The following RPS6KB1 variants were observed in gnomAD, a reference collection of about 807,000 sequenced individuals.
RPS6KB1 encodes ribosomal protein S6 kinase B1.
Under a neutral mutation model 70.2 loss-of-function variants are expected in RPS6KB1, and 12 were observed. The ratio of observed to expected loss-of-function variants is 0.17; its 90% CI spans 0.11 to 0.28. The LOEUF (loss-of-function observed/expected upper bound fraction) is 0.28, where lower values mean the gene tolerates loss of function less well. RPS6KB1 is among the 10% of genes least tolerant of loss of function. RPS6KB1 has a pLI of 1.00. For synonymous variants in RPS6KB1, 175 were observed against 211.2 expected, an observed-to-expected ratio of 0.83 and a Z score of 1.49; for missense variants, 270 against 646.6, an observed-to-expected ratio of 0.42 and a Z score of 6.32.
Position 59,946,466 on chromosome 17 carries a change from C to T in RPS6KB1, c.1341-85C>T. 7.9e-6 allele frequency: 8 copies of T among 1,014,222 alleles called. No homozygotes were observed. Among genetic ancestry groups the T allele is most frequent in the Non-Finnish European group, 1.2e-5 (8 of 656,390 alleles). 62.8% of individuals were successfully genotyped at this position (1,014,222 alleles called of 1,614,324 possible). ...TTAAATGAAAATAAATGTCATGTTA[C>T]CCCACTCCCTTTAAACGTAAAGGAA... On this transcript the variant is annotated intron_variant, in intron 14 of 14. Coordinates refer to ENST00000225577, the MANE Select transcript of RPS6KB1 (RefSeq NM_003161.4). This position sits in a 1 kb window ranked among gnomAD's most constrained non-coding sequence, Gnocchi z 4.2.
chr17:59,918,286 T>C (rs2144846322), intron 4 of RPS6KB1, among the ~76,000 whole-genome samples: 1 of 152,332 alleles, frequency 6.6e-6, no homozygotes, highest in East Asian at 1.9e-4. Flanking sequence ...CAGAATTCTT[T>C]CTGTTGTTTT....
chr17:59,934,757 A>G lies in RPS6KB1; in HGVS notation c.870+233A>G. 1 of 493,006 alleles carries G rather than the reference A, an allele frequency of 2.0e-6. No homozygotes were observed. Among genetic ancestry groups the G allele is most frequent in the Non-Finnish European group, 3.6e-6 (1 of 280,270 alleles). The allele number at this position is 493,006 out of a possible 1,614,324, so 30.5% of individuals were successfully genotyped here. A position where few individuals can be genotyped will look rare whatever the true frequency, so the allele number is the denominator to read the frequency against. On this transcript the variant is annotated intron_variant, in intron 9 of 14. Coordinates refer to ENST00000225577, the MANE Select transcript of RPS6KB1 (RefSeq NM_003161.4). The surrounding 1 kb of genome is among the most constrained non-coding windows in gnomAD (Gnocchi z 4.8). ...GGCAGGCCTGTGAAATAGATGTTGA[A>G]TAGATAATGCCCTTATTTTATAAAT...
chr17:59,946,595 C>T lies in RPS6KB1; in HGVS notation c.1385C>T (p.Ser462Leu), dbSNP rs751489954. 9.9e-6 allele frequency: 16 copies of T among 1,613,930 alleles called. No individual in the cohort carries two copies. The highest frequency in any genetic ancestry group is 3.3e-4 in the Middle Eastern group (2 of 6,084). The stretch of plus-strand genomic sequence containing the variant: ...GGGGATTTCTGGGGAAGAGGTGCTT[C>T]GGCCAGCACAGCAAATCCTCAGACA... ...SPGDFWGRGA[S>L]ASTANPQTPV... Residue 462 changes from serine (S) to leucine (L), a missense_variant, in exon 15 of 15, where the codon TCG becomes TTG. Physicochemically the swap from Ser to Leu is moderately radical, Grantham distance 145. Coordinates refer to ENST00000225577, the MANE Select transcript of RPS6KB1 (RefSeq NM_003161.4). This position sits in a 1 kb window ranked among gnomAD's most constrained non-coding sequence, Gnocchi z 4.2.
Position 59,946,436 on chromosome 17 carries a change from T to C in RPS6KB1, c.1341-115T>C. 9 of 864,404 alleles carry C rather than the reference T, an allele frequency of 1.0e-5. No homozygotes were observed. In the South Asian group the frequency reaches 1.3e-4, roughly 13 times the overall value. 53.5% of individuals were successfully genotyped at this position (864,404 alleles called of 1,614,324 possible). On this transcript the variant is annotated intron_variant, in intron 14 of 14. Transcript: ENST00000225577. The surrounding 1 kb of genome is among the most constrained non-coding windows in gnomAD (Gnocchi z 4.2). ...GCCTTTGTGCTAATCCACGTGAAAATAAAATTAAATGAAAATAAATGTCAT... is the reference window on the plus strand; with the variant it reads ...GCCTTTGTGCTAATCCACGTGAAAACAAAATTAAATGAAAATAAATGTCAT...
intron 12 of RPS6KB1, among the ~76,000 whole-genome samples, chr17:59,938,188 G>GC (rs1345118764): frequency 2.8e-5 from 4 of 142,886 alleles, no homozygotes; most frequent in Non-Finnish European, 3.0e-5. Context: ...TTTTTTTGGG[G>GC]GGGGGATAGG....
Position 59,935,231 on chromosome 17 carries a change from C to A in RPS6KB1, c.909C>A (p.Asp303Glu). Residue 303 changes from aspartate to glutamate, a missense_variant, in exon 10 of 15, where the codon GAC (aspartate) becomes GAA (glutamate). By Grantham distance (45) the Asp-to-Glu change is conservative. Coordinates refer to ENST00000225577, the MANE Select transcript of RPS6KB1 (RefSeq NM_003161.4). ...FTGENRKKTI[D>E]KILKCKLNLP... ...GGGAGAATAGAAAGAAAACAATTGACAAAATCCTCAAATGTAAACTCAATT... is the reference window on the plus strand; with the variant it reads ...GGGAGAATAGAAAGAAAACAATTGAAAAAATCCTCAAATGTAAACTCAATT... 1 of 1,612,714 alleles carries A rather than the reference C, an allele frequency of 6.2e-7. No individual in the cohort carries two copies. The highest frequency in any genetic ancestry group is 8.5e-7 in the Non-Finnish European group (1 of 1,179,016).
intron 5 of RPS6KB1, among the ~76,000 whole-genome samples, chr17:59,927,934 C>T (rs990463275): frequency 1.3e-5 from 2 of 151,556 alleles, no homozygotes; most frequent in Non-Finnish European, 2.9e-5. Context: ...CCAAGGTGGG[C>T]GGATCATGAG....
At chr17:59,939,079 G>T (rs1181343783) in intron 12 of RPS6KB1, among the ~76,000 whole-genome samples, 2 of 152,046 alleles carry the variant, frequency 1.3e-5, no homozygotes, top group African/African-American at 4.8e-5. Context: ...GTTACCCAAG[G>T]TATAGTTCAT....
At chr17:59,918,516 C>T (rs1409260238) in intron 4 of RPS6KB1, among the ~76,000 whole-genome samples, 1 of 151,656 alleles carries the variant, frequency 6.6e-6, no homozygotes, top group Non-Finnish European at 1.5e-5. Context: ...ATTACAGGTG[C>T]CCGCTACCAC....
At chr17:59,914,311 T>C (rs543516930) in intron 3 of RPS6KB1, among the ~76,000 whole-genome samples, 1 of 152,346 alleles carries the variant, frequency 6.6e-6, no homozygotes, top group East Asian at 1.9e-4. Flanking sequence ...TTGAAAGAAA[T>C]TTATGAAATA....
chr17:59,937,821 C>T (rs922016694), intron 12 of RPS6KB1, among the ~76,000 whole-genome samples: 1 of 152,146 alleles, frequency 6.6e-6, no homozygotes, highest in African/African-American at 2.4e-5. Flanking sequence ...GTAAGGCACA[C>T]GATTCAACCC....
intron 1 of RPS6KB1, among the ~76,000 whole-genome samples, chr17:59,909,715 A>G (rs946513704): frequency 6.6e-6 from 1 of 151,760 alleles, no homozygotes; most frequent in Non-Finnish European, 1.5e-5. Context: ...CATCTCTACT[A>G]AAAATGCAAA....
At chr17:59,937,093 C>T (rs1334488571) in intron 12 of RPS6KB1, among the ~76,000 whole-genome samples, 1 of 152,156 alleles carries the variant, frequency 6.6e-6, no homozygotes. Context: ...AACTCCTGGG[C>T]TCAAGTGATC....
At chr17:59,921,594 G>A (rs1027258676) in intron 4 of RPS6KB1, among the ~76,000 whole-genome samples, 1 of 152,164 alleles carries the variant, frequency 6.6e-6, no homozygotes, top group Admixed American at 6.5e-5. Flanking sequence ...TAAGTGAGTT[G>A]TTTCAATCTG....
chr17:59,938,186 G>T (rs1353468186), intron 12 of RPS6KB1, among the ~76,000 whole-genome samples: 13 of 134,758 alleles, frequency 9.6e-5, no homozygotes, highest in African/African-American at 2.1e-4. Flanking sequence ...TTTTTTTTTG[G>T]GGGGGGGATA....
chr17:59,904,342 G>A (rs950631002), intron 1 of RPS6KB1, among the ~76,000 whole-genome samples: 4 of 151,978 alleles, frequency 2.6e-5, no homozygotes, highest in Admixed American at 1.3e-4. Context: ...GCCTCCCAAA[G>A]TGTTGGGATT....
At chr17:59,935,666 G>A (rs2044184939) in intron 10 of RPS6KB1, among the ~76,000 whole-genome samples, 1 of 151,726 alleles carries the variant, frequency 6.6e-6, no homozygotes, top group Non-Finnish European at 1.5e-5. Context: ...GTAGAGACAG[G>A]GTTTCACCGT....
chr17:59,900,566 A>T (rs1002679611), intron 1 of RPS6KB1, among the ~76,000 whole-genome samples: 1 of 151,726 alleles, frequency 6.6e-6, no homozygotes, highest in Non-Finnish European at 1.5e-5. Context: ...GGGTTTCTCC[A>T]TGTTGGCCAG....
chr17:59,911,538 G>GTTTTTTTTTTTTTTTT (rs1184826889), intron 2 of RPS6KB1, among the ~76,000 whole-genome samples: 1 of 74,740 alleles, frequency 1.3e-5, no homozygotes, highest in Non-Finnish European at 2.4e-5. Flanking sequence ...TTTTTGTTGG[G>GTTTTTTTTTTTTTTTT]TTTTTTTTTT....
Sources: allele counts gnomAD v4.1 joint callset (sites outside exome capture counted in the v4.1 genomes callset), GRCh38; gene constraint gnomAD v4.1.1; non-coding constraint Gnocchi (gnomAD v3.1); transcripts MANE v1.5; gene names NCBI Gene and HGNC (gene_info 2026-07-23, HGNC 2026-07-21).